INTS9: variants seen among roughly 807,000 people sequenced by gnomAD.
INTS9 encodes the protein integrator complex subunit 9.
INTS9 carries 55 observed loss-of-function variants against 79.7 expected under a neutral mutation model. The observed-to-expected ratio is 0.69, with a 90% CI of 0.56 to 0.86. The LOEUF is 0.86. Among genes scored for constraint, INTS9 ranks in the 40% least tolerant of loss-of-function variants. The pLI is 0.00. For missense variants in INTS9, 721 were observed against 831.5 expected, an observed-to-expected ratio of 0.87 and a Z score of 1.64; for synonymous variants, 319 against 325.2, an observed-to-expected ratio of 0.98 and a Z score of 0.20.
chr8:28,811,646 C>A (rs1235723412), intron 8 of INTS9, among the ~76,000 whole-genome samples: 1 of 152,108 alleles, frequency 6.6e-6, no homozygotes, highest in African/African-American at 2.4e-5. Context: ...GTCCTGAACT[C>A]CTAGGCTCAA....
chr8:28,772,870 A>T (rs999613577), intron 14 of INTS9, among the ~76,000 whole-genome samples: 9 of 152,274 alleles, frequency 5.9e-5, no homozygotes, highest in Non-Finnish European at 1.0e-4. Context: ...ATATAACTGG[A>T]AAAGACTTGA....
intron 11 of INTS9, among the ~76,000 whole-genome samples, chr8:28,785,719 G>C (rs565120601): frequency 8.5e-5 from 13 of 152,204 alleles, no homozygotes; most frequent in Admixed American, 2.6e-4. Flanking sequence ...CTGCTCCCAG[G>C]CCCTCTGTGT....
chr8:28,831,563 G>A (rs1260340223), intron 6 of INTS9, among the ~76,000 whole-genome samples: 2 of 152,210 alleles, frequency 1.3e-5, no homozygotes, highest in Non-Finnish European at 2.9e-5. Context: ...TCTCCGTAAT[G>A]TAGGTGGCAC....
rs557425590 is a variant in INTS9, at chr8:28,863,593, C to T, written c.10-4030G>A. 4.6e-4 allele frequency among the ~76,000 whole-genome samples: 70 copies of T among 152,186 alleles called. No individual in the cohort carries two copies. In the South Asian group the frequency reaches 5.8e-3, roughly 13 times the overall value. ...GAGTTCAAGACCAGCCTGACCAATACGGTGAAACCTTGTCTCTACTAAAGA... is the reference window on the plus strand; with the variant it reads ...GAGTTCAAGACCAGCCTGACCAATATGGTGAAACCTTGTCTCTACTAAAGA... On this transcript the variant is annotated intron_variant, in intron 1 of 16. Coordinates refer to ENST00000521022, the MANE Select transcript of INTS9 (RefSeq NM_018250.4).
At chr8:28,882,503 AAG>A (rs1252120603) in intron 1 of INTS9, among the ~76,000 whole-genome samples, 1 of 146,110 alleles carries the variant, frequency 6.8e-6, no homozygotes, top group Admixed American at 6.8e-5. Flanking sequence ...ATAAAAAAAA[AAG>A]AAATATATGC....
chr8:28,837,176 A>G (rs1251007862), intron 5 of INTS9, among the ~76,000 whole-genome samples: 2 of 152,148 alleles, frequency 1.3e-5, no homozygotes, highest in African/African-American at 2.4e-5. Context: ...CAACTTAACC[A>G]TCTATTTACT....
intron 8 of INTS9, among the ~76,000 whole-genome samples, chr8:28,799,170 C>T (rs1585374128): frequency 6.6e-6 from 1 of 152,090 alleles, no homozygotes; most frequent in Admixed American, 6.6e-5. Context: ...CTGGCGGGCA[C>T]CTGTAATCCC....
At position 28,780,825 on chromosome 8, in the gene INTS9, G is replaced by A. The variant is rs746547645; in HGVS notation, c.1268C>T (p.Thr423Met). 3.1e-6 allele frequency: 5 copies of A among 1,613,362 alleles called. No individual in the cohort carries two copies. Among genetic ancestry groups the A allele is most frequent in the South Asian group, 2.2e-5 (2 of 91,070 alleles). Residue 423 changes from threonine to methionine, a missense_variant and splice_region_variant, in exon 12 of 17, where the codon ACG becomes ATG. This residue lies in a region of INTS9 where 149 missense variants were observed against 223.7 expected (regional missense o/e 0.67). Transcript: ENST00000521022. ...GTTTCTTTATTTTTTTCACTTACCC[G>A]TGAATATGACGGTATTGAGACTAGA... ...GKSSLNTVIFTEPDFSYLEAL... is the reference protein window; with the variant it reads ...GKSSLNTVIFMEPDFSYLEAL...
At chr8:28,849,380 A>T (rs933794021) in intron 3 of INTS9, among the ~76,000 whole-genome samples, 9 of 152,302 alleles carry the variant, frequency 5.9e-5, no homozygotes, top group African/African-American at 2.2e-4. Flanking sequence ...AGATAACCTA[A>T]TGTCAAAAAT....
At chr8:28,854,966 G>C (rs1377513796) in intron 2 of INTS9, among the ~76,000 whole-genome samples, 1 of 152,166 alleles carries the variant, frequency 6.6e-6, no homozygotes, top group Non-Finnish European at 1.5e-5. Context: ...GCATGATTTT[G>C]TTCCTTTTTC....
At chr8:28,867,687 A>G (rs1808836132) in intron 1 of INTS9, among the ~76,000 whole-genome samples, 1 of 151,732 alleles carries the variant, frequency 6.6e-6, no homozygotes, top group South Asian at 2.1e-4. Flanking sequence ...GACAAATTGA[A>G]TTTTAGTGAA....
At chr8:28,796,758 C>A in intron 8 of INTS9, 103 bp from the exon 9 acceptor site, 1 of 769,076 alleles carries the variant, frequency 1.3e-6, no homozygotes, top group South Asian at 1.5e-5. Context: ...CTACGTTTAA[C>A]CCATCATCGA....
At chr8:28,784,864 C>A (rs760999480) in intron 11 of INTS9, among the ~76,000 whole-genome samples, 9 of 152,228 alleles carry the variant, frequency 5.9e-5, no homozygotes, top group Non-Finnish European at 1.2e-4. Flanking sequence ...CAACTGTTAT[C>A]AATGCTCCTA....
In INTS9 at chr8:28,789,195, C is replaced by T. The variant is rs114644015; in HGVS notation, c.1038-1306G>A. Among the ~76,000 whole-genome samples the T allele has an allele frequency of 3.7e-3, 564 of 152,270 alleles. 2 individuals are homozygous for T. The highest frequency in any genetic ancestry group is 0.013 in the African/African-American group (544 of 41,552). On this transcript the variant is annotated intron_variant, in intron 10 of 16. Transcript: ENST00000521022. Reference sequence around the variant, plus strand: ...ACAAATATAAGAGCTTGGTTCTAAACTTATTTTGATTGTTCCAAAGGACAT... The same window carrying T: ...ACAAATATAAGAGCTTGGTTCTAAATTTATTTTGATTGTTCCAAAGGACAT...
At chr8:28,774,778 CAA>C (rs1056968908) in intron 14 of INTS9, among the ~76,000 whole-genome samples, 35 of 152,132 alleles carry the variant, frequency 2.3e-4, no homozygotes, top group African/African-American at 8.2e-4. Flanking sequence ...CAAGTTGCCT[CAA>C]GAGGTGAAAG....
rs781399443 is a variant in INTS9 at position 28,793,794 on chromosome 8, AC to A, written c.1037+12del. 8 of 1,553,814 alleles carry A rather than the reference AC, an allele frequency of 5.1e-6. No individual in the cohort carries two copies. In the African/African-American group the frequency reaches 7.0e-5, roughly 14 times the overall value. On this transcript the variant is annotated intron_variant, in intron 10 of 16. Coordinates refer to ENST00000521022, the MANE Select transcript of INTS9 (RefSeq NM_018250.4). ...ATAAAATTCACAAAAAAAAAAAAAA[AC>A]CACGGACATACCACTCAGCAAAGAT...
intron 8 of INTS9, among the ~76,000 whole-genome samples, chr8:28,797,278 A>G (rs1419817529): frequency 6.6e-6 from 1 of 152,236 alleles, no homozygotes; most frequent in East Asian, 1.9e-4. Flanking sequence ...CTATCGGAAT[A>G]TGGAATTTAG....
intron 11 of INTS9, among the ~76,000 whole-genome samples, chr8:28,786,862 C>T (rs942276169): frequency 5.3e-5 from 8 of 152,242 alleles, no homozygotes; most frequent in South Asian, 4.2e-4. Context: ...TGACTACAGG[C>T]ACCCGCCACC....
intron 1 of INTS9, among the ~76,000 whole-genome samples, chr8:28,863,567 G>A (rs1808567329): frequency 6.6e-6 from 1 of 152,162 alleles, no homozygotes; most frequent in African/African-American, 2.4e-5. Context: ...CCTGAGGTCA[G>A]GAGTTCAAGA....
Sources: gnomAD v4.1 joint callset for allele counts (sites outside exome capture counted in the v4.1 genomes callset) on GRCh38, gnomAD v4.1.1 for gene constraint, gnomAD v4.1.1 regional missense constraint, MANE v1.5 for transcripts, NCBI Gene and HGNC (gene_info 2026-07-23, HGNC 2026-07-21) for gene names.